The following ZNF536 variants were observed in gnomAD, a reference collection of about 807,000 sequenced individuals.
ZNF536 encodes the protein zinc finger protein 536.
ZNF536 carries 13 observed loss-of-function variants against 84.5 expected under a neutral mutation model. The observed-to-expected ratio is 0.15, with a 90% confidence interval of 0.10 to 0.24. The LOEUF (loss-of-function observed/expected upper bound fraction) is 0.24, where lower values mean the gene tolerates loss of function less well. Among genes scored for constraint, ZNF536 ranks in the 10% least tolerant of loss-of-function variants. The probability of loss-of-function intolerance (pLI) is 1.00; values close to 1 mark genes in which losing one functional copy is unlikely to be tolerated. For missense variants in ZNF536, 1,536 were observed against 1,747.5 expected, an observed-to-expected ratio of 0.88 and a Z score of 2.16; for synonymous variants, 811 against 742.5, an observed-to-expected ratio of 1.09 and a Z score of -1.50.
chr19:30,541,578 G>T (rs1313424799), intron 3 of ZNF536, among the ~76,000 whole-genome samples: 1 of 152,062 alleles, frequency 6.6e-6, no homozygotes, highest in African/African-American at 2.4e-5. Context: ...ATAATTGATT[G>T]AATTTAAATT....
At chr19:30,436,768 G>T (rs941059644) in intron 1 of ZNF536, among the ~76,000 whole-genome samples, 2 of 152,138 alleles carry the variant, frequency 1.3e-5, no homozygotes, top group Non-Finnish European at 2.9e-5. Context: ...TGGGCTTCAG[G>T]GACAGACTGA....
At position 30,549,113 on chromosome 19, in the gene ZNF536, C is replaced by A. The variant is rs1446333389; in HGVS notation, c.3494C>A (p.Ala1165Asp). The A allele has an allele frequency of 6.2e-7, 1 of 1,614,166 alleles. No individual in the cohort carries two copies. Among genetic ancestry groups the A allele is most frequent in the Non-Finnish European group, 8.5e-7 (1 of 1,180,056 alleles). Residue 1165 changes from alanine (A) to aspartate (D), a missense_variant, in exon 4 of 5, where the codon GCC becomes GAC. Ala to Asp is a moderately radical substitution (Grantham distance 126). Transcript: ENST00000355537. ...KNTTDDLSDI[A>D]SSEDMDSSKG... ...ACTACTGATGACCTCTCTGACATTG[C>A]CTCCTCAGAGGACATGGACTCCTCC...
chr19:30,596,179 A>T (rs897175355), intron 1 of ZNF536, among the ~76,000 whole-genome samples: 9 of 152,200 alleles, frequency 5.9e-5, no homozygotes, highest in African/African-American at 2.2e-4. Flanking sequence ...TTGACTAAAA[A>T]GCAAAATATA....
chr19:30,278,232 C>A (rs1399617805), intron 1 of ZNF536, among the ~76,000 whole-genome samples: 1 of 152,172 alleles, frequency 6.6e-6, no homozygotes, highest in East Asian at 1.9e-4. Context: ...AGAAGAGGGA[C>A]AAGAGCCTTT....
intron 2 of ZNF536, among the ~76,000 whole-genome samples, chr19:30,343,078 C>T (rs757165048): frequency 2.1e-4 from 32 of 152,240 alleles, no homozygotes; most frequent in Non-Finnish European, 3.8e-4. Flanking sequence ...CCCCCACCCT[C>T]GGCCCGGTGG....
At chr19:30,608,987 G>A (rs2047996503) in intron 1 of ZNF536, among the ~76,000 whole-genome samples, 1 of 152,206 alleles carries the variant, frequency 6.6e-6, no homozygotes, top group South Asian at 2.1e-4. Flanking sequence ...GGTGACAAAA[G>A]GGCCCATACG....
intron 1 of ZNF536, among the ~76,000 whole-genome samples, chr19:30,401,639 G>GT (rs2050051404): frequency 6.6e-6 from 1 of 152,206 alleles, no homozygotes; most frequent in South Asian, 2.1e-4. Context: ...GGTAAAAACC[G>GT]TAAGTAAACA....
At chr19:30,565,785 T>G (rs2046327867) in intron 1 of ZNF536, among the ~76,000 whole-genome samples, 1 of 151,978 alleles carries the variant, frequency 6.6e-6, no homozygotes, top group African/African-American at 2.4e-5. Flanking sequence ...ACCTTCCCAC[T>G]CCAGGGGGCC....
At chr19:30,238,646 C>T (rs1203283330) in intron 1 of ZNF536, among the ~76,000 whole-genome samples, 2 of 152,126 alleles carry the variant, frequency 1.3e-5, no homozygotes, top group East Asian at 3.9e-4. Flanking sequence ...CTTCTTCCTC[C>T]TTCCTTCCTA....
chr19:30,607,303 T>C (rs1278259208), intron 1 of ZNF536, among the ~76,000 whole-genome samples: 1 of 152,180 alleles, frequency 6.6e-6, no homozygotes, highest in Non-Finnish European at 1.5e-5. Flanking sequence ...TGGTGTAAAA[T>C]GAGGCTTTCT....
rs568730030 is a variant in ZNF536 at position 30,445,169 on chromosome 19, G to C, written c.1607G>C (p.Gly536Ala). Reference sequence around the variant, plus strand: ...GCCAGGGGCATGGCCATGGAACATGGCTTCTTGTCTAAAGAGCATCCGCTG... The same window carrying C: ...GCCAGGGGCATGGCCATGGAACATGCCTTCTTGTCTAAAGAGCATCCGCTG... ...LMARGMAMEHGFLSKEHPLQR... is the reference protein window; with the variant it reads ...LMARGMAMEHAFLSKEHPLQR... Residue 536 changes from glycine to alanine, a missense_variant, in exon 2 of 5, where the codon GGC becomes GCC. Physicochemically the swap from Gly to Ala is moderately conservative, Grantham distance 60 (BLOSUM62 0). Around this residue, in one of 8 missense-constraint regions of ZNF536, gnomAD observed 366 missense variants for 364.4 expected, o/e 1.00. Transcript: ENST00000355537. This position sits in a 1 kb window ranked among gnomAD's most constrained non-coding sequence, Gnocchi z 4.5. 5 of 1,614,164 alleles carry C rather than the reference G, an allele frequency of 3.1e-6. No homozygotes were observed. Among genetic ancestry groups the C allele is most frequent in the African/African-American group, 1.3e-5 (1 of 75,076 alleles).
At chr19:30,396,548 T>C (rs911481453) in intron 1 of ZNF536, among the ~76,000 whole-genome samples, 8 of 151,640 alleles carry the variant, frequency 5.3e-5, no homozygotes, top group African/African-American at 1.9e-4. Context: ...GGAGGAGCTT[T>C]CTACAGATGT....
At chr19:30,335,204 G>A (rs1430035608) in intron 2 of ZNF536, among the ~76,000 whole-genome samples, 4 of 152,176 alleles carry the variant, frequency 2.6e-5, no homozygotes, top group East Asian at 1.9e-4. Context: ...GCTGTGTATC[G>A]CTCCCACCCT....
At chr19:30,617,333 CTTTTTTTTTTTTTTTTTT>C (rs556835599) in intron 1 of ZNF536, among the ~76,000 whole-genome samples, 17 of 37,710 alleles carry the variant, frequency 4.5e-4, no homozygotes, top group South Asian at 2.2e-3. Context: ...GAATAGCTTA[CTTTTTTTTTTTTTTTTTT>C]TTTTTTTTTT....
At chr19:30,590,273 AGTGCTGT>A (rs2047230808) in intron 1 of ZNF536, among the ~76,000 whole-genome samples, 1 of 152,158 alleles carries the variant, frequency 6.6e-6, no homozygotes, top group African/African-American at 2.4e-5. Context: ...TAAACACCCA[AGTGCTGT>A]TGTCCTCACA....
At chr19:30,267,866 A>ATGTG (rs143241147) in intron 1 of ZNF536, among the ~76,000 whole-genome samples, 185 of 150,978 alleles carry the variant, frequency 1.2e-3, no homozygotes, top group Non-Finnish European at 2.1e-3. Context: ...TTGAGTGTGT[A>ATGTG]TGTGTGTGTG....
At chr19:30,388,350 A>G (rs1057206133) in intron 1 of ZNF536, among the ~76,000 whole-genome samples, 17 of 152,064 alleles carry the variant, frequency 1.1e-4, no homozygotes, top group Non-Finnish European at 2.4e-4. Context: ...AATTATGGAT[A>G]CTCGGTGGGG....
At chr19:30,420,310 A>G (rs4805565) in intron 1 of ZNF536, among the ~76,000 whole-genome samples, 149,721 of 152,296 alleles carry the variant, frequency 0.98, 73,620 homozygotes, top group African/African-American at 0.99. Context: ...GTCTTGGAAG[A>G]CCCCACAAGA....
chr19:30,593,597 C>T (rs769905998), intron 1 of ZNF536, among the ~76,000 whole-genome samples: 4 of 152,184 alleles, frequency 2.6e-5, no homozygotes, highest in African/African-American at 7.2e-5. Flanking sequence ...TAGTCTTTGG[C>T]GAGGCAGCCT....
Sources: gnomAD v4.1 joint callset for allele counts (sites outside exome capture counted in the v4.1 genomes callset) on GRCh38, gnomAD v4.1.1 for gene constraint, gnomAD v4.1.1 regional missense constraint, Gnocchi (gnomAD v3.1) non-coding constraint, MANE v1.5 for transcripts, NCBI Gene and HGNC (gene_info 2026-07-23, HGNC 2026-07-21) for gene names.